PKNOX2: variants seen among roughly 807,000 people sequenced by gnomAD.
PKNOX2 encodes homeobox protein PKNOX2.
A neutral mutation model predicts 53.1 loss-of-function variants in PKNOX2; 14 were observed. The observed-to-expected ratio is 0.26, with a 90% confidence interval of 0.17 to 0.41. PKNOX2 has a LOEUF of 0.41. PKNOX2 is among the 10% of genes least tolerant of loss of function. PKNOX2 has a pLI of 1.00. For synonymous variants in PKNOX2, 257 were observed against 242.8 expected (o/e 1.06, Z -0.54); for missense variants, 496 against 602.8 (o/e 0.82, Z 1.85).
intron 1 of PKNOX2, among the ~76,000 whole-genome samples, chr11:125,204,457 A>G (rs1421520086): frequency 6.6e-6 from 1 of 152,182 alleles, no homozygotes; most frequent in East Asian, 1.9e-4. Flanking sequence ...TAGTGGATTT[A>G]GCAGTGCTGT....
intron 2 of PKNOX2, among the ~76,000 whole-genome samples, chr11:125,277,385 C>T (rs899151595): frequency 9.9e-5 from 15 of 152,152 alleles, no homozygotes; most frequent in African/African-American, 3.4e-4. Context: ...GGGTCAGCAA[C>T]CCAAATGCTA....
At chr11:125,349,613 C>T (rs1036293972) in intron 3 of PKNOX2, among the ~76,000 whole-genome samples, 21 of 152,132 alleles carry the variant, frequency 1.4e-4, no homozygotes, top group Non-Finnish European at 4.4e-5. Context: ...TTCTTCCTTC[C>T]TTTAGGACCA....
intron 2 of PKNOX2, among the ~76,000 whole-genome samples, chr11:125,316,175 G>C (rs1171222489): frequency 6.6e-6 from 1 of 152,162 alleles, no homozygotes. Flanking sequence ...CTCATTCCCA[G>C]CCAGTTGCTA....
chr11:125,354,894 C>T (rs972974329), intron 4 of PKNOX2, among the ~76,000 whole-genome samples: 4 of 152,112 alleles, frequency 2.6e-5, no homozygotes, highest in Non-Finnish European at 4.4e-5. Flanking sequence ...CAGTCCATCC[C>T]GGAGAAACTT....
chr11:125,278,518 G>A (rs896265431), intron 2 of PKNOX2, among the ~76,000 whole-genome samples: 1 of 152,210 alleles, frequency 6.6e-6, no homozygotes, highest in Non-Finnish European at 1.5e-5. Flanking sequence ...AGGCGAATGG[G>A]AAGTCTGATG....
chr11:125,220,556 G>C (rs1941032714), intron 1 of PKNOX2, among the ~76,000 whole-genome samples: 1 of 152,140 alleles, frequency 6.6e-6, no homozygotes, highest in Non-Finnish European at 1.5e-5. Flanking sequence ...TGTGAGATGG[G>C]AAGGCCGGAG....
chr11:125,190,826 T>C (rs1956834180), intron 1 of PKNOX2, among the ~76,000 whole-genome samples: 1 of 152,204 alleles, frequency 6.6e-6, no homozygotes, highest in African/African-American at 2.4e-5. Flanking sequence ...CACTCTCTCC[T>C]CCTCTGAACT....
Position 125,430,149 on chromosome 11 carries a change from C to T in PKNOX2, c.1192+8C>T. The T allele has an allele frequency of 6.2e-7, 1 of 1,613,336 alleles. No individual in the cohort carries two copies. Among genetic ancestry groups the T allele is most frequent in the East Asian group, 2.2e-5 (1 of 44,868 alleles). On this transcript the variant is annotated splice_region_variant and intron_variant, in intron 12 of 12. Transcript: ENST00000298282. Reference sequence around the variant, plus strand: ...CAGGGACAAACCCCGATGGTAAGAACTGGGGCTGAGTGCACCCTAGACAAG... The same window carrying T: ...CAGGGACAAACCCCGATGGTAAGAATTGGGGCTGAGTGCACCCTAGACAAG...
At chr11:125,190,803 G>T (rs1956832510) in intron 1 of PKNOX2, among the ~76,000 whole-genome samples, 1 of 152,124 alleles carries the variant, frequency 6.6e-6, no homozygotes, top group African/African-American at 2.4e-5. Context: ...TCTGTGACCA[G>T]CCCACCCCTC....
At chr11:125,378,904 G>A (rs969861678) in intron 5 of PKNOX2, among the ~76,000 whole-genome samples, 11 of 151,410 alleles carry the variant, frequency 7.3e-5, no homozygotes, top group Admixed American at 7.2e-4. Flanking sequence ...CTGTATTTTT[G>A]CATTCTTTCT....
chr11:125,417,380 T>C (rs1955942562), intron 10 of PKNOX2, among the ~76,000 whole-genome samples: 1 of 151,990 alleles, frequency 6.6e-6, no homozygotes, highest in South Asian at 2.1e-4. Context: ...GGCCCTGCCA[T>C]CCACCAGAGG....
At chr11:125,186,027 T>C (rs1956426517) in intron 1 of PKNOX2, among the ~76,000 whole-genome samples, 1 of 149,368 alleles carries the variant, frequency 6.7e-6, no homozygotes, top group Non-Finnish European at 1.5e-5. Context: ...TTTCACATGC[T>C]GACCAACATT....
At chr11:125,423,144 C>A (rs2135647463) in intron 10 of PKNOX2, among the ~76,000 whole-genome samples, 1 of 152,106 alleles carries the variant, frequency 6.6e-6, no homozygotes, top group Non-Finnish European at 1.5e-5. Context: ...AACCTTGAAG[C>A]AGGTGGAATT....
chr11:125,265,393 C>T (rs942541534), intron 2 of PKNOX2, among the ~76,000 whole-genome samples: 4 of 152,316 alleles, frequency 2.6e-5, no homozygotes, highest in African/African-American at 9.6e-5. Flanking sequence ...AATGAACAAA[C>T]CTCCCTGGCA....
intron 7 of PKNOX2, among the ~76,000 whole-genome samples, chr11:125,400,011 A>C (rs1028694224): frequency 2.6e-5 from 4 of 152,234 alleles, no homozygotes; most frequent in Non-Finnish European, 4.4e-5. Flanking sequence ...CCCGGCACTC[A>C]GCCTTCTGAG....
At chr11:125,170,923 A>T (rs1367212295) in intron 1 of PKNOX2, among the ~76,000 whole-genome samples, 1 of 146,768 alleles carries the variant, frequency 6.8e-6, no homozygotes, top group Admixed American at 6.8e-5. Context: ...AACGTGGCCA[A>T]TTTGAGTACG....
At chr11:125,309,576 C>G (rs1017858152) in intron 2 of PKNOX2, among the ~76,000 whole-genome samples, 2 of 152,018 alleles carry the variant, frequency 1.3e-5, no homozygotes, top group Non-Finnish European at 2.9e-5. Flanking sequence ...TTAGTAGAGA[C>G]AGGGTTTCAC....
intron 5 of PKNOX2, among the ~76,000 whole-genome samples, chr11:125,382,338 A>C (rs736808): frequency 6.6e-6 from 1 of 152,018 alleles, no homozygotes; most frequent in African/African-American, 2.4e-5. Flanking sequence ...CACACACACA[A>C]GCACACACAC....
At chr11:125,326,354 CAG>C (rs1473382580) in intron 2 of PKNOX2, among the ~76,000 whole-genome samples, 1 of 151,832 alleles carries the variant, frequency 6.6e-6, no homozygotes, top group East Asian at 1.9e-4. Context: ...GGAACTCACA[CAG>C]GGGGTGTGCT....
Sources: allele counts gnomAD v4.1 joint callset (sites outside exome capture counted in the v4.1 genomes callset), GRCh38; gene constraint gnomAD v4.1.1; transcripts MANE v1.5; gene names NCBI Gene and HGNC (gene_info 2026-07-23, HGNC 2026-07-21).